Variants in SYN2 observed in about 807,000 individuals in gnomAD.
SYN2 encodes the protein synapsin II.
SYN2 carries 19 observed loss-of-function variants against 50.9 expected under a neutral mutation model. The observed-to-expected ratio is 0.37, with a 90% CI of 0.26 to 0.55. The LOEUF is 0.55. Among genes scored for constraint, SYN2 ranks in the 20% least tolerant of loss-of-function variants. The probability of loss-of-function intolerance (pLI) is 0.81; values close to 1 mark genes in which losing one functional copy is unlikely to be tolerated. For synonymous variants in SYN2, 255 were observed against 224.9 expected (o/e 1.13, Z -1.20); for missense variants, 587 against 576.4 (o/e 1.02, Z -0.19).
chr3:12,081,756 C>G (rs996247765), intron 1 of SYN2, among the ~76,000 whole-genome samples: 2 of 152,152 alleles, frequency 1.3e-5, no homozygotes, highest in South Asian at 4.1e-4. Flanking sequence ...TCCCTGTGTT[C>G]ATACTGCTTA....
At chr3:12,063,660 T>C (rs1695156564) in intron 1 of SYN2, among the ~76,000 whole-genome samples, 1 of 152,002 alleles carries the variant, frequency 6.6e-6, no homozygotes, top group Non-Finnish European at 1.5e-5. Context: ...TATAGAAATA[T>C]TTATGGATAT....
intron 10 of SYN2, among the ~76,000 whole-genome samples, chr3:12,172,375 A>C (rs1383053295): frequency 6.6e-6 from 1 of 152,146 alleles, no homozygotes; most frequent in Non-Finnish European, 1.5e-5. Context: ...AGTTCCTAAA[A>C]CCACTCTCAA....
chr3:12,107,624 G>A (rs1696222706), intron 1 of SYN2, among the ~76,000 whole-genome samples: 1 of 152,154 alleles, frequency 6.6e-6, no homozygotes, highest in African/African-American at 2.4e-5. Flanking sequence ...ATGCTGGCCA[G>A]TGAGTGCGGT....
chr3:12,103,700 A>T (rs1257032534), intron 1 of SYN2, among the ~76,000 whole-genome samples: 1 of 152,206 alleles, frequency 6.6e-6, no homozygotes, highest in East Asian at 1.9e-4. Flanking sequence ...GTCACAGTCA[A>T]CAATATAATT....
intron 1 of SYN2, among the ~76,000 whole-genome samples, chr3:12,069,692 A>G (rs2600243): frequency 0.73 from 110,829 of 152,030 alleles, 40,633 homozygotes; most frequent in Admixed American, 0.8. Flanking sequence ...CAGTTTGTGA[A>G]GGTTCCAGTT....
intron 1 of SYN2, among the ~76,000 whole-genome samples, chr3:12,130,767 A>G (rs1696781161): frequency 6.6e-6 from 1 of 152,226 alleles, no homozygotes; most frequent in Non-Finnish European, 1.5e-5. Flanking sequence ...AGTATGCACT[A>G]TCAGGGGGCT....
At chr3:12,047,095 A>G (rs560747576) in intron 1 of SYN2, among the ~76,000 whole-genome samples, 2 of 152,282 alleles carry the variant, frequency 1.3e-5, no homozygotes, top group East Asian at 3.9e-4. Context: ...CATTGTATAT[A>G]TTAATGTTCC....
rs959686227 is a variant in SYN2, at chr3:12,169,820, G to A, written c.1222G>A (p.Glu408Lys). The A allele has an allele frequency of 3.8e-5, 62 of 1,613,736 alleles. No individual in the cohort carries two copies. Among genetic ancestry groups the A allele is most frequent in the Non-Finnish European group, 5.0e-5 (59 of 1,179,868 alleles). The change falls in exon 10 of 13, where the codon GAA (glutamate) becomes AAA (lysine). Residue 408 changes from glutamate (E) to lysine (K), a missense_variant. Coordinates refer to ENST00000621198, the MANE Select transcript of SYN2 (RefSeq NM_133625.6). ...HQVEDRQLIT[E>K]LVISKMNQLL... ...GGTGGAGGACAGGCAACTCATCACC[G>A]AACTAGTCATCAGCAAGATGAACCA...
chr3:12,053,400 A>C (rs1011073058), intron 1 of SYN2, among the ~76,000 whole-genome samples: 2 of 152,160 alleles, frequency 1.3e-5, no homozygotes, highest in African/African-American at 2.4e-5. Context: ...CAGCCTGGGC[A>C]ACAGTGCGAG....
At position 12,169,629 on chromosome 3, in the gene SYN2, A is replaced by G. The variant is rs1391874594; in HGVS notation, c.1159-128A>G. 10 of 1,006,924 alleles carry G rather than the reference A, an allele frequency of 9.9e-6. No homozygotes were observed. The East Asian group carries it at 2.6e-4, about 26-fold the overall frequency. 62.4% of individuals were successfully genotyped at this position (1,006,924 alleles called of 1,614,324 possible). ...CTGCAAATGATCACACTTCCAGCTG[A>G]AGAGAAGAACTCCTGCTTCATCTCC... On this transcript the variant is annotated intron_variant, in intron 9 of 12. Transcript: ENST00000621198.
chr3:12,094,324 G>A (rs1331959096), intron 1 of SYN2, among the ~76,000 whole-genome samples: 1 of 152,186 alleles, frequency 6.6e-6, no homozygotes, highest in Non-Finnish European at 1.5e-5. Flanking sequence ...GATGGAGGAA[G>A]GAGTGAAAGA....
chr3:12,075,864 A>G (rs1695456992), intron 1 of SYN2, among the ~76,000 whole-genome samples: 1 of 152,188 alleles, frequency 6.6e-6, no homozygotes, highest in African/African-American at 2.4e-5. Flanking sequence ...TGAATTAGTC[A>G]CTGTCTTTAA....
At chr3:12,059,382 G>C (rs1207678175) in intron 1 of SYN2, among the ~76,000 whole-genome samples, 2 of 152,296 alleles carry the variant, frequency 1.3e-5, no homozygotes, top group South Asian at 4.1e-4. Context: ...AACATTTTCT[G>C]ATTTGCAGTT....
At chr3:12,107,733 A>T (rs1477125819) in intron 1 of SYN2, among the ~76,000 whole-genome samples, 1 of 151,818 alleles carries the variant, frequency 6.6e-6, no homozygotes, top group Non-Finnish European at 1.5e-5. Context: ...GTGAGATCCC[A>T]TCTGTATTTT....
At chr3:12,092,675 T>A (rs1253073884) in intron 1 of SYN2, among the ~76,000 whole-genome samples, 1 of 152,204 alleles carries the variant, frequency 6.6e-6, no homozygotes, top group East Asian at 1.9e-4. Flanking sequence ...GATTCTAGGC[T>A]TCCTGGGGGT....
intron 1 of SYN2, among the ~76,000 whole-genome samples, chr3:12,106,344 C>G (rs1034227768): frequency 6.6e-6 from 1 of 152,154 alleles, no homozygotes; most frequent in Non-Finnish European, 1.5e-5. Context: ...GATAATCTCC[C>G]TATTTTATAG....
At chr3:12,019,707 C>G (rs1196340540) in intron 1 of SYN2, among the ~76,000 whole-genome samples, 1 of 152,154 alleles carries the variant, frequency 6.6e-6, no homozygotes. Flanking sequence ...TTAAGTAAAA[C>G]TTTACAATTT....
intron 1 of SYN2, among the ~76,000 whole-genome samples, chr3:12,136,232 T>G (rs1302274098): frequency 6.6e-6 from 1 of 152,262 alleles, no homozygotes; most frequent in African/African-American, 2.4e-5. Context: ...CATATTTGCA[T>G]AAATTTCAGC....
chr3:12,065,636 T>G (rs1695200497), intron 1 of SYN2, among the ~76,000 whole-genome samples: 1 of 152,002 alleles, frequency 6.6e-6, no homozygotes. Flanking sequence ...ACTTAACAAG[T>G]GGGAGCTAAA....
Sources: allele counts gnomAD v4.1 joint callset (sites outside exome capture counted in the v4.1 genomes callset), GRCh38; gene constraint gnomAD v4.1.1; transcripts MANE v1.5; gene names NCBI Gene and HGNC (gene_info 2026-07-23, HGNC 2026-07-21).